Variants in ARHGEF9 observed in about 807,000 individuals in gnomAD.
ARHGEF9 encodes the protein rho guanine nucleotide exchange factor 9.
ARHGEF9 carries 2 observed loss-of-function variants against 41.3 expected under a neutral mutation model. That is an observed-to-expected ratio of 0.05 (90% CI 0.02 to 0.15). ARHGEF9 has a LOEUF of 0.15. Among genes scored for constraint, ARHGEF9 ranks in the 10% least tolerant of loss-of-function variants. The probability of loss-of-function intolerance (pLI) is 1.00; values close to 1 mark genes in which losing one functional copy is unlikely to be tolerated. For synonymous variants in ARHGEF9, 160 were observed against 154.4 expected (o/e 1.04, Z -0.27); for missense variants, 225 against 424.7 (o/e 0.53, Z 4.13).
intron 1 of ARHGEF9, among the ~76,000 whole-genome samples, chrX:63,756,616 G>A (rs781870448): frequency 8.0e-5 from 9 of 112,447 alleles, no homozygotes; most frequent in African/African-American, 1.6e-4. Context: ...TATAGTTAGC[G>A]TAAATACTGT....
At chrX:63,685,258 A>G (rs2147373627) in intron 4 of ARHGEF9, among the ~76,000 whole-genome samples, 1 of 111,690 alleles carries the variant, frequency 9.0e-6, no homozygotes, top group Admixed American at 9.5e-5. Context: ...TAAAACAATC[A>G]AATTTTAAAA....
intron 8 of ARHGEF9, among the ~76,000 whole-genome samples, chrX:63,644,836 G>A (rs1223096164): frequency 4.6e-5 from 5 of 108,119 alleles, no homozygotes; most frequent in African/African-American, 1.3e-4. Flanking sequence ...CATGATCATG[G>A]CTCACTGCAG....
chrX:63,755,485 A>G (rs781799685), intron 1 of ARHGEF9: 1 of 257,882 alleles, frequency 3.9e-6, no homozygotes, highest in East Asian at 5.7e-5. Context: ...GATCACGTGA[A>G]GAGGGAGAAA....
chrX:63,710,638 T>TAA (rs781847925), intron 2 of ARHGEF9, among the ~76,000 whole-genome samples: 1 of 107,557 alleles, frequency 9.3e-6, no homozygotes, highest in Non-Finnish European at 1.9e-5. Context: ...CTTTCATGAT[T>TAA]AAAAAAAAAA....
chrX:63,745,263 C>A (rs2055197238), intron 1 of ARHGEF9, among the ~76,000 whole-genome samples: 1 of 110,983 alleles, frequency 9.0e-6, no homozygotes, highest in South Asian at 3.9e-4. Context: ...GCAGTGCTGG[C>A]CTCCTCTGGG....
intron 7 of ARHGEF9, among the ~76,000 whole-genome samples, chrX:63,663,859 C>T (rs1430664186): frequency 8.9e-6 from 1 of 112,216 alleles, no homozygotes; most frequent in African/African-American, 3.2e-5. Flanking sequence ...AAACAAACAT[C>T]AGGTAGTTTT....
chrX:63,781,369 G>A (rs782674624), intron 1 of ARHGEF9, among the ~76,000 whole-genome samples: 2 of 111,160 alleles, frequency 1.8e-5, no homozygotes, highest in African/African-American at 3.3e-5. Context: ...AGAAAGCAGG[G>A]TATTAATTTA....
intron 4 of ARHGEF9, among the ~76,000 whole-genome samples, chrX:63,682,131 TTCAA>T (rs1310789484): frequency 6.4e-5 from 6 of 93,204 alleles, no homozygotes; most frequent in Admixed American, 2.3e-4. Context: ...TCTTAAACTC[TTCAA>T]TAAATAAATA....
At chrX:63,684,058 T>G (rs185866851) in intron 4 of ARHGEF9, among the ~76,000 whole-genome samples, 41 of 110,509 alleles carry the variant, frequency 3.7e-4, no homozygotes, top group African/African-American at 1.3e-3. Context: ...ATTTGCAAAC[T>G]GTAAAGTGGT....
At chrX:63,770,561 G>T (rs1182144432) in intron 1 of ARHGEF9, among the ~76,000 whole-genome samples, 1 of 112,114 alleles carries the variant, frequency 8.9e-6, no homozygotes, top group Non-Finnish European at 1.9e-5. Flanking sequence ...AGGCAAAATT[G>T]GTTTTAAAAT....
rs782307008 is a variant in ARHGEF9, at chrX:63,750,844, T to C, written c.31-26133A>G. ...TAGCTGGACGAGGCTAGGCTCTACATGTCTGCTGTGGACATGTTTCCGAGG... is the reference window on the plus strand; with the variant it reads ...TAGCTGGACGAGGCTAGGCTCTACACGTCTGCTGTGGACATGTTTCCGAGG... On this transcript the variant is annotated intron_variant, in intron 1 of 9. Coordinates refer to ENST00000671741, the MANE Select transcript of ARHGEF9 (RefSeq NM_001353921.2). 3.6e-5 allele frequency among the ~76,000 whole-genome samples: 4 copies of C among 111,641 alleles called. No homozygotes were observed. The South Asian group carries it at 1.1e-3, about 32-fold the overall frequency.
intron 8 of ARHGEF9, among the ~76,000 whole-genome samples, chrX:63,653,266 G>A (rs1556331818): frequency 9.0e-6 from 1 of 111,483 alleles, no homozygotes; most frequent in African/African-American, 3.3e-5. Context: ...CCATGTCTGT[G>A]CCACTTCATC....
intron 1 of ARHGEF9, among the ~76,000 whole-genome samples, chrX:63,763,777 T>C (rs1371374997): frequency 3.6e-5 from 4 of 111,717 alleles, no homozygotes; most frequent in Admixed American, 1.9e-4. Context: ...GAGGATTTAA[T>C]GAGTGAAAAG....
At chrX:63,776,697 T>C (rs1468952001) in intron 1 of ARHGEF9, among the ~76,000 whole-genome samples, 1 of 111,127 alleles carries the variant, frequency 9.0e-6, no homozygotes, top group Non-Finnish European at 1.9e-5. Context: ...CCTGAAACAA[T>C]AGTGCTGACA....
At chrX:63,705,002 T>A (rs1449515567) in intron 3 of ARHGEF9, among the ~76,000 whole-genome samples, 1 of 112,603 alleles carries the variant, frequency 8.9e-6, no homozygotes, top group African/African-American at 3.2e-5. Flanking sequence ...TGGCTGTCAT[T>A]ACAGATATAT....
chrX:63,741,596 T>G (rs2054951731), intron 1 of ARHGEF9, among the ~76,000 whole-genome samples: 1 of 112,575 alleles, frequency 8.9e-6, no homozygotes, highest in African/African-American at 3.2e-5. Flanking sequence ...AAGTAGTCTT[T>G]AGGAGTGTGT....
intron 3 of ARHGEF9, among the ~76,000 whole-genome samples, chrX:63,701,332 C>T (rs2052153290): frequency 9.1e-6 from 1 of 110,411 alleles, no homozygotes; most frequent in African/African-American, 3.3e-5. Context: ...CCTTTCAGTT[C>T]TGACATTCTA....
intron 1 of ARHGEF9, among the ~76,000 whole-genome samples, chrX:63,749,671 C>T (rs1556438531): frequency 8.9e-6 from 1 of 112,368 alleles, no homozygotes; most frequent in Non-Finnish European, 1.9e-5. Flanking sequence ...GAATTACAAT[C>T]ATCTCTACCC....
At chrX:63,769,316 TG>T (rs2056164558) in intron 1 of ARHGEF9, among the ~76,000 whole-genome samples, 1 of 109,890 alleles carries the variant, frequency 9.1e-6, no homozygotes, top group Non-Finnish European at 1.9e-5. Flanking sequence ...GGGTATCAGG[TG>T]AAAAAAAAAT....
Sources: allele counts gnomAD v4.1 joint callset (sites outside exome capture counted in the v4.1 genomes callset), GRCh38; gene constraint gnomAD v4.1.1; transcripts MANE v1.5; gene names NCBI Gene and HGNC (gene_info 2026-07-23, HGNC 2026-07-21).